ZNF475: variants seen among roughly 807,000 people sequenced by gnomAD.
ZNF475 encodes zinc finger protein 475.
the ZNF475 span, among the ~76,000 whole-genome samples, chr5:122,177,043 C>A: frequency 6.6e-6 from 1 of 152,116 alleles, no homozygotes; most frequent in African/African-American, 2.4e-5. Context: ...TCTCAGGATA[C>A]CCCAGTAAAG....
the ZNF475 span, chr5:122,160,290 G>A: frequency 1.6e-6 from 2 of 1,289,532 alleles, no homozygotes; most frequent in Non-Finnish European, 2.0e-6. Flanking sequence ...CTTCTACATT[G>A]TTGGCTCCAG....
chr5:122,160,712 C>T, the ZNF475 span, among the ~76,000 whole-genome samples: 289 of 152,116 alleles, frequency 1.9e-3, 3 homozygotes, highest in Middle Eastern at 6.8e-3. Context: ...ATTATTTAGG[C>T]GTAAAATGAA....
chr5:122,163,822 A>G, the ZNF475 span, among the ~76,000 whole-genome samples: 1 of 152,206 alleles, frequency 6.6e-6, no homozygotes, highest in Non-Finnish European at 1.5e-5. Flanking sequence ...AATCGGTCTC[A>G]TGCCTTAAAG....
At chr5:122,167,329 CA>C in the ZNF475 span, among the ~76,000 whole-genome samples, 1 of 151,962 alleles carries the variant, frequency 6.6e-6, no homozygotes, top group Non-Finnish European at 1.5e-5. Flanking sequence ...CTTTCTCCTA[CA>C]AAAAATTTAA....
the ZNF475 span, among the ~76,000 whole-genome samples, chr5:122,176,319 C>T: frequency 9.3e-4 from 141 of 152,084 alleles, 1 homozygote; most frequent in Non-Finnish European, 1.7e-3. Context: ...GTGTGAATAG[C>T]TCTGAAATAA....
At chr5:122,168,287 G>A in the ZNF475 span, among the ~76,000 whole-genome samples, 24 of 152,196 alleles carry the variant, frequency 1.6e-4, no homozygotes, top group African/African-American at 4.3e-4. Flanking sequence ...CAGGTGATCC[G>A]CCCGCCTCGG....
the ZNF475 span, chr5:122,180,006 C>T: frequency 8.3e-6 from 2 of 240,590 alleles, no homozygotes; most frequent in African/African-American, 2.2e-5. Flanking sequence ...TTTCATACAT[C>T]ATCAAACCCT....
At chr5:122,179,042 G>T in the ZNF475 span, among the ~76,000 whole-genome samples, 1 of 152,126 alleles carries the variant, frequency 6.6e-6, no homozygotes, top group African/African-American at 2.4e-5. Context: ...AGATCAGATG[G>T]TTGTAGATGT....
the ZNF475 span, among the ~76,000 whole-genome samples, chr5:122,178,018 G>A: frequency 6.6e-6 from 1 of 152,092 alleles, no homozygotes; most frequent in Non-Finnish European, 1.5e-5. Flanking sequence ...TCCTGTGTTA[G>A]TTTGCTGACA....
the ZNF475 span, chr5:122,182,469 CT>C: frequency 1.4e-6 from 2 of 1,403,288 alleles, no homozygotes; most frequent in Admixed American, 3.1e-5. Context: ...TTTCTTTTTG[CT>C]TTTTTCCTTT....
the ZNF475 span, among the ~76,000 whole-genome samples, chr5:122,178,554 T>G: frequency 7.9e-4 from 121 of 152,250 alleles, no homozygotes; most frequent in African/African-American, 2.8e-3. Context: ...TGTCTATTTA[T>G]ATCCTTTGCC....
At chr5:122,180,405 A>G in the ZNF475 span, among the ~76,000 whole-genome samples, 1 of 152,254 alleles carries the variant, frequency 6.6e-6, no homozygotes, top group Non-Finnish European at 1.5e-5. Flanking sequence ...AATGTCCAGA[A>G]TTTTTCACAT....
At chr5:122,179,878 T>C in the ZNF475 span, 1 of 550,214 alleles carries the variant, frequency 1.8e-6, no homozygotes. Context: ...AGAAAAACAG[T>C]TCTGAAATGC....
the ZNF475 span, among the ~76,000 whole-genome samples, chr5:122,161,372 A>T: frequency 2.0e-5 from 3 of 152,364 alleles, no homozygotes; most frequent in South Asian, 6.2e-4. Context: ...ACATAAAGGT[A>T]TCACTGGTCC....
the ZNF475 span, among the ~76,000 whole-genome samples, chr5:122,163,533 A>G: frequency 6.6e-6 from 1 of 152,240 alleles, no homozygotes; most frequent in African/African-American, 2.4e-5. Flanking sequence ...AATCTCAATT[A>G]TTTGGCTTAA....
the ZNF475 span, among the ~76,000 whole-genome samples, chr5:122,180,419 A>G: frequency 1.3e-5 from 2 of 152,238 alleles, no homozygotes; most frequent in Non-Finnish European, 2.9e-5. Flanking sequence ...TTCACATTTA[A>G]TCATTTGTAA....
At chr5:122,166,918 T>G in the ZNF475 span, among the ~76,000 whole-genome samples, 1 of 152,166 alleles carries the variant, frequency 6.6e-6, no homozygotes, top group Non-Finnish European at 1.5e-5. Context: ...CGCCACACTG[T>G]CAGTTTAATT....
the ZNF475 span, among the ~76,000 whole-genome samples, chr5:122,167,342 G>A: frequency 1.3e-5 from 2 of 151,834 alleles, no homozygotes; most frequent in African/African-American, 2.4e-5. Flanking sequence ...AAAATTTAAT[G>A]TCCTGAAAAA....
At chr5:122,165,247 A>T in the ZNF475 span, among the ~76,000 whole-genome samples, 2 of 152,222 alleles carry the variant, frequency 1.3e-5, no homozygotes, top group African/African-American at 2.4e-5. Context: ...TCTGCTCACA[A>T]TGGAAATGCA....
Sources: gnomAD v4.1 joint callset for allele counts (sites outside exome capture counted in the v4.1 genomes callset) on GRCh38, gnomAD v4.1.1 for gene constraint, MANE v1.5 for transcripts, NCBI Gene and HGNC (gene_info 2026-07-23, HGNC 2026-07-21) for gene names.